Variants in CALB1 observed in about 807,000 individuals in gnomAD.
CALB1 encodes the protein calbindin.
CALB1 carries 16 observed loss-of-function variants against 46.7 expected under a neutral mutation model. The observed-to-expected ratio is 0.34, with a 90% CI of 0.23 to 0.52. The LOEUF (loss-of-function observed/expected upper bound fraction) is 0.52, where lower values mean the gene tolerates loss of function less well. Among genes scored for constraint, CALB1 ranks in the 20% least tolerant of loss-of-function variants. The pLI, the probability that CALB1 is intolerant of heterozygous loss-of-function variation, is 0.95. For synonymous variants in CALB1, 90 were observed against 112.8 expected, an observed-to-expected ratio of 0.80 and a Z score of 1.28; for missense variants, 224 against 300.3, an observed-to-expected ratio of 0.75 and a Z score of 1.88.
At chr8:90,081,164 T>A (rs1814725047) in intron 2 of CALB1, among the ~76,000 whole-genome samples, 1 of 152,122 alleles carries the variant, frequency 6.6e-6, no homozygotes, top group South Asian at 2.1e-4. Flanking sequence ...CCAAAGGGAG[T>A]CATTTATAAT....
chr8:90,077,474 C>T (rs1814642370), intron 3 of CALB1, among the ~76,000 whole-genome samples: 1 of 151,874 alleles, frequency 6.6e-6, no homozygotes, highest in Admixed American at 6.6e-5. Flanking sequence ...CTGAGAAACA[C>T]TATATAAATA....
At chr8:90,066,507 T>G (rs1814399621) in intron 5 of CALB1, among the ~76,000 whole-genome samples, 1 of 152,022 alleles carries the variant, frequency 6.6e-6, no homozygotes, top group South Asian at 2.1e-4. Flanking sequence ...GAGGGCCAGT[T>G]GGGTAGTTTT....
intron 6 of CALB1, chr8:90,063,737 T>G (rs1439671808): frequency 2.9e-6 from 1 of 343,496 alleles, no homozygotes; most frequent in East Asian, 5.6e-5. Flanking sequence ...GCAAATACGT[T>G]CATATGTGTA....
At chr8:90,064,307 G>T (rs1273999021) in intron 6 of CALB1, 4 of 151,654 alleles carry the variant, frequency 2.6e-5, no homozygotes, top group African/African-American at 9.6e-5. Flanking sequence ...ATTTTTTTCA[G>T]GATCCCATGC....
intron 3 of CALB1, among the ~76,000 whole-genome samples, chr8:90,077,221 T>G (rs1814637975): frequency 6.6e-6 from 1 of 152,072 alleles, no homozygotes; most frequent in African/African-American, 2.4e-5. Context: ...TATATAGTAA[T>G]GAGTTACACA....
intron 2 of CALB1, among the ~76,000 whole-genome samples, chr8:90,080,644 G>A (rs7461859): frequency 0.74 from 112,346 of 151,688 alleles, 41,747 homozygotes; most frequent in African/African-American, 0.79. Context: ...ATTTTATTCC[G>A]TTCTATTATA....
intron 10 of CALB1, 68 bp downstream of exon 10, chr8:90,060,561 G>T: frequency 8.5e-7 from 1 of 1,170,608 alleles, no homozygotes; most frequent in Non-Finnish European, 1.3e-6. Flanking sequence ...CAAAATGGAT[G>T]TGCTGTTGGT....
chr8:90,082,728 A>G lies in CALB1; in HGVS notation c.-31T>C. On this transcript the variant is annotated 5_prime_UTR_variant, in exon 1 of 11. Coordinates refer to ENST00000265431, the MANE Select transcript of CALB1 (RefSeq NM_004929.4). The stretch of plus-strand genomic sequence containing the variant: ...AGCGGGGTGTGTGTCTGGGTGTGTG[A>G]ATATGCGTGTGTCTGTGTCCGCGCG... 3 of 1,590,094 alleles carry G rather than the reference A, an allele frequency of 1.9e-6. No individual in the cohort carries two copies. Among genetic ancestry groups the G allele is most frequent in the Non-Finnish European group, 2.6e-6 (3 of 1,158,194 alleles).
In CALB1 at chr8:90,060,068, C is replaced by T. The variant is rs1037514902; in HGVS notation, c.*105G>A. The T allele has an allele frequency of 8.4e-6, 6 of 714,736 alleles. No homozygotes were observed. The highest frequency in any genetic ancestry group is 1.5e-5 in the Non-Finnish European group (6 of 393,954). The allele number at this position is 714,736 out of a possible 1,614,324, so 44.3% of individuals were successfully genotyped here. A position where few individuals can be genotyped will look rare whatever the true frequency, so the allele number is the denominator to read the frequency against. On this transcript the variant is annotated 3_prime_UTR_variant, in exon 11 of 11. Transcript: ENST00000265431. Reference sequence around the variant, plus strand: ...CACATCCTGGATAATTATCTATATGCAGTTAAATTTACAGATATAAAAGAA... The same window carrying T: ...CACATCCTGGATAATTATCTATATGTAGTTAAATTTACAGATATAAAAGAA...
At chr8:90,070,840 G>GTT (rs1814499855) in intron 3 of CALB1, among the ~76,000 whole-genome samples, 1 of 35,120 alleles carries the variant, frequency 2.8e-5, no homozygotes, top group South Asian at 1.1e-3. Flanking sequence ...TCATTGCAGT[G>GTT]TGTGTGTGTG....
chr8:90,070,852 GT>G (rs1814500446), intron 3 of CALB1, among the ~76,000 whole-genome samples: 2 of 106,216 alleles, frequency 1.9e-5, no homozygotes, highest in Non-Finnish European at 4.4e-5. Flanking sequence ...GTGTGTGTGT[GT>G]GTGTGTGTGT....
intron 3 of CALB1, among the ~76,000 whole-genome samples, chr8:90,074,027 T>C (rs77148712): frequency 3.3e-5 from 5 of 152,102 alleles, no homozygotes; most frequent in African/African-American, 1.2e-4. Context: ...TTTTTTTTTT[T>C]CACTTGAGAA....
intron 3 of CALB1, among the ~76,000 whole-genome samples, chr8:90,073,882 TGAG>T (rs1354526998): frequency 2.0e-5 from 3 of 152,116 alleles, no homozygotes. Flanking sequence ...GTACTAGTTG[TGAG>T]GAGAGTATAC....
Position 90,065,926 on chromosome 8 carries a change from G to T in CALB1, c.422C>A (p.Thr141Lys), listed in dbSNP as rs1232776036. 6.2e-7 allele frequency: 1 copy of T among 1,611,162 alleles called. No homozygotes were observed. The highest frequency in any genetic ancestry group is 2.2e-5 in the East Asian group (1 of 44,804). The change falls in exon 6 of 11, where the codon ACA becomes AAA. Residue 141 changes from threonine (T) to lysine (K), a missense_variant. Thr to Lys is a moderately conservative substitution (Grantham distance 78, BLOSUM62 -1). Coordinates refer to ENST00000265431, the MANE Select transcript of CALB1 (RefSeq NM_004929.4). Reference protein sequence around the residue: ...LEKANKTVDDTKLAEYTDLML... With the variant: ...LEKANKTVDDKKLAEYTDLML... ...TAGGTCTGTATACTCGGCTAATTTT[G>T]TGTCATCAACAGTCTTGTTTGCTTT...
intron 3 of CALB1, 128 bp downstream of exon 3, chr8:90,078,245 T>A: frequency 1.7e-6 from 1 of 592,760 alleles, no homozygotes; most frequent in East Asian, 3.2e-5. Context: ...GAACAGAAGA[T>A]AATGTATTAC....
rs769088971 is a variant in CALB1, at chr8:90,063,112, C to T, written c.588G>A (p.Glu196=). 6.2e-7 allele frequency: 1 copy of T among 1,608,006 alleles called. No individual in the cohort carries two copies. Among genetic ancestry groups the T allele is most frequent in the East Asian group, 2.2e-5 (1 of 44,716 alleles). ...MCGKEFNKAF[E]LYDQDGNGYI... ...AACAAACTTTTACCTGATCATACAG[C>T]TCAAAAGCCTTATTGAACTCTTTCC... is the stretch of plus-strand genomic sequence containing the variant. The change falls in exon 9 of 11, where the codon GAG becomes GAA. Residue 196 remains glutamate (E), a synonymous_variant. Transcript: ENST00000265431.
At chr8:90,066,560 C>G (rs1328928177) in intron 5 of CALB1, among the ~76,000 whole-genome samples, 1 of 151,896 alleles carries the variant, frequency 6.6e-6, no homozygotes, top group Non-Finnish European at 1.5e-5. Flanking sequence ...AATGCTTCCA[C>G]TGACTATTTA....
At chr8:90,061,265 T>G (rs1004369462) in intron 9 of CALB1, 5 of 152,226 alleles carry the variant, frequency 3.3e-5, no homozygotes, top group African/African-American at 1.2e-4. Context: ...AGGTAAATGA[T>G]AGTGTGGGAT....
chr8:90,076,625 G>A (rs1397879374), intron 3 of CALB1, among the ~76,000 whole-genome samples: 1 of 151,790 alleles, frequency 6.6e-6, no homozygotes, highest in African/African-American at 2.4e-5. Flanking sequence ...GTCCTCTTCT[G>A]TTACCTATAT....
Sources: gnomAD v4.1 joint callset for allele counts (sites outside exome capture counted in the v4.1 genomes callset) on GRCh38, gnomAD v4.1.1 for gene constraint, MANE v1.5 for transcripts, NCBI Gene and HGNC (gene_info 2026-07-23, HGNC 2026-07-21) for gene names.